MED14: variants seen among roughly 807,000 people sequenced by gnomAD.
MED14 encodes the protein mediator of RNA polymerase II transcription subunit 14.
In MED14, 8 loss-of-function variants were observed where a neutral mutation model predicts 109.0. The ratio of observed to expected loss-of-function variants is 0.07; its 90% confidence interval spans 0.04 to 0.13. The LOEUF (loss-of-function observed/expected upper bound fraction) is 0.13, where lower values mean the gene tolerates loss of function less well. Among genes scored for constraint, MED14 ranks in the 10% least tolerant of loss-of-function variants. MED14 has a pLI of 1.00. For synonymous variants in MED14, 399 were observed against 408.7 expected (o/e 0.98, Z 0.29); for missense variants, 711 against 1,142.4 (o/e 0.62, Z 5.44).
intron 13 of MED14, among the ~76,000 whole-genome samples, chrX:40,696,133 ATT>A (rs751400480): frequency 1.6e-4 from 15 of 93,034 alleles, no homozygotes; most frequent in Admixed American, 3.6e-4. Context: ...ATATACAGAG[ATT>A]TTTTTTTTTT....
chrX:40,682,046 G>A (rs1930135403), intron 18 of MED14, 103 bp from the exon 19 acceptor site: 3 of 370,891 alleles, frequency 8.1e-6, no homozygotes, highest in African/African-American at 8.1e-5. Flanking sequence ...TGCCCAGACA[G>A]GTCTCTAGTT....
At position 40,732,328 on chromosome X, in the gene MED14, G is replaced by A. The variant is rs755547464; in HGVS notation, c.215+2870C>T. On this transcript the variant is annotated intron_variant, in intron 1 of 30. Coordinates refer to ENST00000324817, the MANE Select transcript of MED14 (RefSeq NM_004229.4). ...GAAGTTGGGAGTTTGAGACCAGCCT[G>A]GTCAGCATGGTGAAATCCCATTTCT... is the stretch of plus-strand genomic sequence containing the variant. Among the ~76,000 whole-genome samples, 35 of 111,969 alleles carry A rather than the reference G, an allele frequency of 3.1e-4. No homozygotes were observed. In the South Asian group the frequency reaches 0.013, roughly 42 times the overall value.
rs951291336 is a variant in MED14 at position 40,649,903 on chromosome X, A to G, written c.*1903T>C. 1.8e-5 allele frequency: 14 copies of G among 759,286 alleles called. No homozygotes were observed. The African/African-American group carries it at 3.2e-4, about 18-fold the overall frequency. The allele number at this position is 759,286 out of a possible 1,213,427, so 62.6% of individuals were successfully genotyped here. ...TTCAGAGATGAGTTATAATTAGGAA[A>G]AAAGAGTGTCCACTGAATGCATCAT... On this transcript the variant is annotated 3_prime_UTR_variant, in exon 31 of 31. Coordinates refer to ENST00000324817, the MANE Select transcript of MED14 (RefSeq NM_004229.4).
chrX:40,729,096 G>A (rs1179240300), intron 2 of MED14, among the ~76,000 whole-genome samples: 2 of 111,363 alleles, frequency 1.8e-5, no homozygotes, highest in Non-Finnish European at 3.8e-5. Context: ...ACTCAATAAA[G>A]GTTTGTAGAA....
chrX:40,699,254 T>C lies in MED14; in HGVS notation c.1490+1911A>G, dbSNP rs367599709. On this transcript the variant is annotated intron_variant, in intron 12 of 30. Transcript: ENST00000324817. ...CATAGTTTTCTGAGGTTGGGAATGG[T>C]TATTAACTATAAATGGACATTTCTT... Among the ~76,000 whole-genome samples the C allele has an allele frequency of 9.8e-5, 11 of 112,275 alleles. No homozygotes were observed. In the South Asian group the frequency reaches 4.0e-3, roughly 41 times the overall value.
At position 40,713,429 on chromosome X, in the gene MED14, G is replaced by A. The variant is rs937040187; in HGVS notation, c.652+349C>T. On this transcript the variant is annotated intron_variant, in intron 5 of 30. Coordinates refer to ENST00000324817, the MANE Select transcript of MED14 (RefSeq NM_004229.4). ...AATCTTCATGATGCTATTTTTCCTT[G>A]AATAAAACCCAAAAAGCTGTTTAGG... 8.1e-5 allele frequency among the ~76,000 whole-genome samples: 9 copies of A among 111,743 alleles called. No homozygotes were observed. In the Admixed American group the frequency reaches 8.5e-4, roughly 11 times the overall value.
chrX:40,651,774 T>C lies in MED14; in HGVS notation c.*32A>G, dbSNP rs750595859. ...TTCAGATTTTTTTTGTTGTCTCATC[T>C]GTCAGCCTTCCTGGTTTAAAAACAA... On this transcript the variant is annotated 3_prime_UTR_variant, in exon 31 of 31. Transcript: ENST00000324817. 6.1e-6 allele frequency: 7 copies of C among 1,153,555 alleles called. No individual in the cohort carries two copies. The highest frequency in any genetic ancestry group is 8.0e-6 in the Non-Finnish European group (7 of 871,757).
chrX:40,657,551 T>A (rs1929098779), intron 28 of MED14, among the ~76,000 whole-genome samples: 1 of 111,619 alleles, frequency 9.0e-6, no homozygotes, highest in Admixed American at 9.5e-5. Context: ...CCCCTTGATT[T>A]AGGATTTCTG....
chrX:40,671,539 G>C lies in MED14; in HGVS notation c.3133+322C>G, dbSNP rs947882544. On this transcript the variant is annotated intron_variant, in intron 23 of 30. Transcript: ENST00000324817. ...CAATGAAACTTTATTTACAAAAACA[G>C]GTGACAGGCAGGATTTGGCTCATAG... Among the ~76,000 whole-genome samples the C allele has an allele frequency of 5.3e-5, 6 of 112,247 alleles. No individual in the cohort carries two copies. The Admixed American group carries it at 5.7e-4, about 11-fold the overall frequency.
At chrX:40,735,713 G>T, upstream of MED14, 1 of 447,049 alleles carries the variant, frequency 2.2e-6, no homozygotes, top group Non-Finnish European at 4.1e-6. Flanking sequence ...CCAGACAGCC[G>T]CAACGTACAT....
chrX:40,683,647 C>T (rs1028005055), intron 16 of MED14, among the ~76,000 whole-genome samples: 7 of 111,892 alleles, frequency 6.3e-5, no homozygotes, highest in Non-Finnish European at 1.1e-4. Flanking sequence ...TACAGGTGCA[C>T]ACCACCAAGC....
chrX:40,697,133 G>A lies in MED14; in HGVS notation c.1541C>T (p.Thr514Met), dbSNP rs1354048543. 3.4e-6 allele frequency: 4 copies of A among 1,193,941 alleles called. No individual in the cohort carries two copies. Among genetic ancestry groups the A allele is most frequent in the Non-Finnish European group, 4.5e-6 (4 of 880,845 alleles). ...AAGCTGCAATGTTTCACTGCTTATC[G>A]TAGGCAGATGTTTTATAGACTGCTT... ...RCKQSIKHLPTISSETLQLSN... is the reference protein window; with the variant it reads ...RCKQSIKHLPMISSETLQLSN... The change falls in exon 13 of 31, where the codon ACG becomes ATG. Residue 514 changes from threonine to methionine, a missense_variant. Transcript: ENST00000324817.
At chrX:40,666,632 A>T in intron 24 of MED14, 88 bp downstream of exon 24, 1 of 984,200 alleles carries the variant, frequency 1.0e-6, no homozygotes, top group South Asian at 2.1e-5. Flanking sequence ...ATAAACAAGT[A>T]TTAATTTTGC....
chrX:40,664,557 T>C, intron 24 of MED14, 68 bp from the exon 25 acceptor site: 1 of 705,036 alleles, frequency 1.4e-6, no homozygotes, highest in African/African-American at 2.2e-5. Context: ...TTTGACAGCA[T>C]TCAAATCTTT....
At chrX:40,696,376 G>A (rs774240119) in intron 13 of MED14, among the ~76,000 whole-genome samples, 9 of 109,893 alleles carry the variant, frequency 8.2e-5, no homozygotes, top group Admixed American at 6.8e-4. Flanking sequence ...TCCTGACCTC[G>A]TGATCCACCC....
intron 21 of MED14, 40 bp from the exon 22 acceptor site, chrX:40,675,401 A>C: frequency 1.0e-6 from 1 of 973,502 alleles, no homozygotes; most frequent in Admixed American, 3.7e-5. Context: ...TATTTTACCT[A>C]ACATTATTAG....
intron 26 of MED14, among the ~76,000 whole-genome samples, chrX:40,662,146 G>A (rs924136068): frequency 8.9e-5 from 10 of 111,743 alleles, no homozygotes; most frequent in Non-Finnish European, 1.7e-4. Context: ...GATTATAGGC[G>A]TGAGCCACCG....
intron 22 of MED14, among the ~76,000 whole-genome samples, chrX:40,674,104 T>C (rs965990210): frequency 2.7e-5 from 3 of 111,211 alleles, no homozygotes; most frequent in Non-Finnish European, 5.7e-5. Flanking sequence ...TGATATCCGC[T>C]GGGCCAAGGT....
In MED14 at chrX:40,651,093, G is replaced by C; in HGVS notation, c.*713C>G. 1 of 750,131 alleles carries C rather than the reference G, an allele frequency of 1.3e-6. No individual in the cohort carries two copies. The highest frequency in any genetic ancestry group is 1.6e-6 in the Non-Finnish European group (1 of 635,611). 61.8% of individuals were successfully genotyped at this position (750,131 alleles called of 1,213,427 possible). ...CCAAGGTGCTAAATGTTAACCACTA[G>C]TCAAGTTAGGAATGTCTGAAGAAAA... On this transcript the variant is annotated 3_prime_UTR_variant, in exon 31 of 31. Transcript: ENST00000324817.
Sources: allele counts gnomAD v4.1 joint callset (sites outside exome capture counted in the v4.1 genomes callset), GRCh38; gene constraint gnomAD v4.1.1; transcripts MANE v1.5; gene names NCBI Gene and HGNC (gene_info 2026-07-23, HGNC 2026-07-21).